The following PAPSS2 variants were observed in gnomAD, a reference collection of about 807,000 sequenced individuals.
PAPSS2 encodes 3'-phosphoadenosine 5'-phosphosulfate synthase 2.
A neutral mutation model predicts 66.5 loss-of-function variants in PAPSS2; 61 were observed. That is an observed-to-expected ratio of 0.92 (90% CI 0.75 to 1.14). The LOEUF (loss-of-function observed/expected upper bound fraction) is 1.14. Ranked by LOEUF, PAPSS2 falls within the 50% of genes most tolerant of loss-of-function variation. The pLI is 0.00. For synonymous variants in PAPSS2, 289 were observed against 287.5 expected (o/e 1.01, Z -0.05); for missense variants, 708 against 789.6 (o/e 0.90, Z 1.24).
intron 7 of PAPSS2, among the ~76,000 whole-genome samples, chr10:87,716,144 C>G (rs1283591504): frequency 6.6e-6 from 1 of 152,142 alleles, no homozygotes; most frequent in African/African-American, 2.4e-5. Flanking sequence ...CAGAAGGTAG[C>G]ACGCAGAAGT....
At chr10:87,690,656 T>C (rs934114726) in intron 1 of PAPSS2, among the ~76,000 whole-genome samples, 4 of 152,202 alleles carry the variant, frequency 2.6e-5, no homozygotes, top group African/African-American at 9.6e-5. Context: ...GTGTGCAGAA[T>C]GTGAAGGTGG....
chr10:87,729,706 T>C (rs1853704823), intron 9 of PAPSS2, among the ~76,000 whole-genome samples: 2 of 152,240 alleles, frequency 1.3e-5, no homozygotes, highest in Middle Eastern at 3.4e-3. Flanking sequence ...TGTAGAAAGC[T>C]GAAATTGGAC....
chr10:87,696,698 T>A (rs529007608), intron 1 of PAPSS2, among the ~76,000 whole-genome samples: 1 of 152,306 alleles, frequency 6.6e-6, no homozygotes, highest in African/African-American at 2.4e-5. Context: ...AATAATAAAG[T>A]TAGCTATTTT....
At chr10:87,690,209 G>A (rs77693289) in intron 1 of PAPSS2, among the ~76,000 whole-genome samples, 5,973 of 152,240 alleles carry the variant, frequency 0.039, 182 homozygotes, top group Non-Finnish European at 0.065. Context: ...TCAAAAAAGA[G>A]CTAGTTAAAT....
chr10:87,743,960 G>A (rs75187208), intron 11 of PAPSS2, among the ~76,000 whole-genome samples: 8 of 152,012 alleles, frequency 5.3e-5, no homozygotes, highest in African/African-American at 1.9e-4. Context: ...AAATTAGCTG[G>A]GCATAGTGGC....
At chr10:87,725,639 G>A (rs1853648890) in intron 8 of PAPSS2, among the ~76,000 whole-genome samples, 1 of 152,082 alleles carries the variant, frequency 6.6e-6, no homozygotes, top group Non-Finnish European at 1.5e-5. Context: ...ATTTTATGCT[G>A]AAACCACCAT....
At chr10:87,678,020 GAA>G (rs925623783) in intron 1 of PAPSS2, among the ~76,000 whole-genome samples, 5 of 151,990 alleles carry the variant, frequency 3.3e-5, no homozygotes, top group African/African-American at 9.7e-5. Context: ...AGACCTACAA[GAA>G]AAAAACATGA....
chr10:87,701,307 CCTTCCTTCCTTCCTTCCTTCCTTT>C (rs1564716594), intron 1 of PAPSS2, among the ~76,000 whole-genome samples: 6 of 73,552 alleles, frequency 8.2e-5, no homozygotes, highest in Admixed American at 1.5e-4. Context: ...TTTTTTCCTT[CCTTCCTTCCTTCCTTCCTTCCTTT>C]CTTTCTTTCT....
intron 2 of PAPSS2, 28 bp downstream of exon 2, chr10:87,709,341 A>G (rs751283792): frequency 3.9e-6 from 5 of 1,297,224 alleles, no homozygotes; most frequent in Non-Finnish European, 5.6e-6. Context: ...ATATATATAT[A>G]TATACAAATT....
At chr10:87,676,872 C>CAAAAAAAAAAAAA (rs71019493) in intron 1 of PAPSS2, among the ~76,000 whole-genome samples, 1 of 31,368 alleles carries the variant, frequency 3.2e-5, no homozygotes, top group African/African-American at 1.1e-4. Flanking sequence ...GACCCTGTCT[C>CAAAAAAAAAAAAA]AAAAAAAAAA....
intron 1 of PAPSS2, among the ~76,000 whole-genome samples, chr10:87,661,628 G>A (rs1192472949): frequency 6.6e-6 from 1 of 152,154 alleles, no homozygotes; most frequent in African/African-American, 2.4e-5. Context: ...CCTCCAGTCG[G>A]CAGGAGCCCA....
chr10:87,664,613 T>C (rs1280774244), intron 1 of PAPSS2, among the ~76,000 whole-genome samples: 1 of 152,230 alleles, frequency 6.6e-6, no homozygotes, highest in Non-Finnish European at 1.5e-5. Flanking sequence ...TGTGGCTCTG[T>C]GGTTTGCTGA....
chr10:87,676,872 C>CAAAAAAAAAAAAAAAAAAAAAA (rs71019493), intron 1 of PAPSS2, among the ~76,000 whole-genome samples: 1 of 31,340 alleles, frequency 3.2e-5, no homozygotes, highest in African/African-American at 1.1e-4. Context: ...GACCCTGTCT[C>CAAAAAAAAAAAAAAAAAAAAAA]AAAAAAAAAA....
chr10:87,743,577 T>C lies in PAPSS2; in HGVS notation c.1427T>C (p.Leu476Pro), dbSNP rs1484228440. Residue 476 changes from leucine to proline, a missense_variant, in exon 11 of 13, where the codon CTG becomes CCG. Transcript: ENST00000456849. ...QHAAVLEEGV[L>P]DPKSTIVAIF... The stretch of plus-strand genomic sequence containing the variant: ...GCGGCTGTGCTCGAGGAAGGGGTCC[T>C]GGATCCCAAGTCAACCATTGTTGCC... 1 of 1,614,178 alleles carries C rather than the reference T, an allele frequency of 6.2e-7. No homozygotes were observed. Among genetic ancestry groups the C allele is most frequent in the Middle Eastern group, 1.6e-4 (1 of 6,062 alleles).
chr10:87,691,264 G>T (rs751726739), intron 1 of PAPSS2, among the ~76,000 whole-genome samples: 1 of 152,074 alleles, frequency 6.6e-6, no homozygotes, highest in African/African-American at 2.4e-5. Flanking sequence ...AGTATCATGG[G>T]CATGACAAAT....
chr10:87,713,366 A>G (rs1162465559), intron 3 of PAPSS2, 56 bp downstream of exon 3: 1 of 982,198 alleles, frequency 1.0e-6, no homozygotes, highest in African/African-American at 1.7e-5. Context: ...ACACAGTGCA[A>G]GTGCTCTCCA....
rs184378476 is a variant in PAPSS2, at chr10:87,681,663, T to C, written c.27+21655T>C. 2.6e-5 allele frequency among the ~76,000 whole-genome samples: 4 copies of C among 152,352 alleles called. No homozygotes were observed. In the East Asian group the frequency reaches 7.7e-4, roughly 29 times the overall value. On this transcript the variant is annotated intron_variant, in intron 1 of 12. Coordinates refer to ENST00000456849, the MANE Select transcript of PAPSS2 (RefSeq NM_001015880.2). Reference sequence around the variant, plus strand: ...CACTCTAATTTTAGAACATTTTCATTACGCTAAAAAGATCCCTGGTGCCCA... The same window carrying C: ...CACTCTAATTTTAGAACATTTTCATCACGCTAAAAAGATCCCTGGTGCCCA...
At chr10:87,730,768 C>T (rs1853718503) in intron 9 of PAPSS2, among the ~76,000 whole-genome samples, 1 of 152,164 alleles carries the variant, frequency 6.6e-6, no homozygotes. Context: ...GCCAAAACAC[C>T]TAATTCAGAG....
chr10:87,665,166 G>A (rs1295555064), intron 1 of PAPSS2, among the ~76,000 whole-genome samples: 1 of 151,976 alleles, frequency 6.6e-6, no homozygotes, highest in East Asian at 1.9e-4. Context: ...GTTTCTGCCA[G>A]GTGTCTGGCC....
Sources: gnomAD v4.1 joint callset for allele counts (sites outside exome capture counted in the v4.1 genomes callset) on GRCh38, gnomAD v4.1.1 for gene constraint, MANE v1.5 for transcripts, NCBI Gene and HGNC (gene_info 2026-07-23, HGNC 2026-07-21) for gene names.